The following CORO6 variants were observed in gnomAD, a reference collection of about 807,000 sequenced individuals.
The protein encoded by CORO6 is coronin 6, also known as coronin-6.
CORO6 carries 43 observed loss-of-function variants against 49.0 expected under a neutral mutation model. The ratio of observed to expected loss-of-function variants is 0.88; its 90% CI spans 0.69 to 1.13. The LOEUF is 1.13. Among genes scored for constraint, CORO6 ranks in the 50% most tolerant of loss-of-function variants. The probability of loss-of-function intolerance (pLI) is 0.00; values close to 1 mark genes in which losing one functional copy is unlikely to be tolerated. For missense variants in CORO6, 650 were observed against 647.0 expected (o/e 1.00, Z -0.05); for synonymous variants, 233 against 256.5 (o/e 0.91, Z 0.88).
Position 29,617,045 on chromosome 17 carries a change from G to A in CORO6, c.754-3C>T, listed in dbSNP as rs2150923872. On this transcript the variant is annotated splice_region_variant and splice_polypyrimidine_tract_variant and intron_variant, in intron 6 of 10. Transcript: ENST00000388767. ...GCCACTGGCTCCTCGAAGTTGTTCT[G>A]CCCGAGCACAGGAGGCGTGACCAGC... 6.2e-7 allele frequency: 1 copy of A among 1,613,144 alleles called. No homozygotes were observed. The highest frequency in any genetic ancestry group is 2.2e-5 in the East Asian group (1 of 44,888).
Position 29,615,600 on chromosome 17 carries a change from G to T in CORO6, c.*132C>A. On this transcript the variant is annotated 3_prime_UTR_variant, in exon 11 of 11. Transcript: ENST00000388767. Reference sequence around the variant, plus strand: ...CTCCAAGAGTTCTGGTCTCCCGCGAGGGGCGGAGTTCCCTCCCCAGTCCCG... The same window carrying T: ...CTCCAAGAGTTCTGGTCTCCCGCGATGGGCGGAGTTCCCTCCCCAGTCCCG... 1.0e-6 allele frequency: 1 copy of T among 985,502 alleles called. No homozygotes were observed. Among genetic ancestry groups the T allele is most frequent in the Non-Finnish European group, 1.4e-6 (1 of 699,534 alleles). The allele number at this position is 985,502 out of a possible 1,614,324, so 61.0% of individuals were successfully genotyped here.
chr17:29,618,151 T>G, intron 5 of CORO6: 1 of 1,393,136 alleles, frequency 7.2e-7, no homozygotes, highest in Non-Finnish European at 9.3e-7. Flanking sequence ...GGCGCCCTCG[T>G]GAGGCCGGGC....
chr17:29,616,872 C>T lies in CORO6; in HGVS notation c.859-25G>A, dbSNP rs541061536. On this transcript the variant is annotated intron_variant, in intron 7 of 10. Transcript: ENST00000388767. This position sits in a 1 kb window ranked among gnomAD's most constrained non-coding sequence, Gnocchi z 5.6. ...CCTGCAAAATCAGTCGGTTCAGGGG[C>T]GCGCCCGGACAAGGCCCTCCACATC... The T allele has an allele frequency of 2.5e-6, 4 of 1,613,132 alleles. No individual in the cohort carries two copies. The highest frequency in any genetic ancestry group is 1.7e-5 in the Admixed American group (1 of 60,014).
rs372595207 is a variant in CORO6 at position 29,615,743 on chromosome 17, C to G, written c.1408G>C (p.Gly470Arg). The G allele has an allele frequency of 6.2e-5, 96 of 1,545,718 alleles. No individual in the cohort carries two copies. The highest frequency in any genetic ancestry group is 2.4e-4 in the Admixed American group (12 of 50,464). ...CCTGGCGCGCGGGGCTAGTCCGTGC[C>G]GTCCACCAGCTCGCACAGCATGTTC... ...LENMLCELVD[G>R]TD Residue 470 changes from glycine (G) to arginine (R), a missense_variant, in exon 11 of 11, where the codon GGC (glycine) becomes CGC (arginine). By Grantham distance (125) the Gly-to-Arg change is moderately radical. Coordinates refer to ENST00000388767, the MANE Select transcript of CORO6 (RefSeq NM_032854.4).
In CORO6 at chr17:29,616,877, C is replaced by T. The variant is rs1190904424; in HGVS notation, c.859-30G>A. 10 of 1,613,016 alleles carry T rather than the reference C, an allele frequency of 6.2e-6. No individual in the cohort carries two copies. In the African/African-American group the frequency reaches 1.1e-4, roughly 17 times the overall value. The stretch of plus-strand genomic sequence containing the variant: ...AAAATCAGTCGGTTCAGGGGCGCGC[C>T]CGGACAAGGCCCTCCACATCTCCAT... On this transcript the variant is annotated intron_variant, in intron 7 of 10. Transcript: ENST00000388767. The surrounding 1 kb of genome is among the most constrained non-coding windows in gnomAD (Gnocchi z 5.6).
At position 29,616,996 on chromosome 17, in the gene CORO6, T is replaced by A; in HGVS notation, c.800A>T (p.Asn267Ile). ...ATCGTAAAAGGGCAATAGGACCCCG[T>A]TGCTTGTGTCCATCTCCTGCAGTGC... ...PVALQEMDTS[N>I]GVLLPFYDPD... Residue 267 changes from asparagine (N) to isoleucine (I), a missense_variant, in exon 7 of 11, where the codon AAC (asparagine) becomes ATC (isoleucine). Transcript: ENST00000388767. The surrounding 1 kb of genome is among the most constrained non-coding windows in gnomAD (Gnocchi z 5.6). The A allele has an allele frequency of 1.2e-6, 2 of 1,613,762 alleles. No homozygotes were observed. Among genetic ancestry groups the A allele is most frequent in the African/African-American group, 2.7e-5 (2 of 75,020 alleles).
Position 29,615,979 on chromosome 17 carries a change from CG to C in CORO6, c.1258del (p.Arg420AlafsTer75). The stretch of plus-strand genomic sequence containing the variant: ...GGCGTCGCTGGCCGACTGGCTGCGG[CG>C]GGGGCCGGAGGGCGGGCGCACGTCC... ...ILDVRPPSGP[R>X]RSQSASDAPL... On this transcript the variant is annotated frameshift_variant, in exon 10 of 11. Coordinates refer to ENST00000388767, the MANE Select transcript of CORO6 (RefSeq NM_032854.4). LOFTEE classifies it high-confidence loss of function. 6 of 1,577,096 alleles carry C rather than the reference CG, an allele frequency of 3.8e-6. No homozygotes were observed. The highest frequency in any genetic ancestry group is 5.2e-6 in the Non-Finnish European group (6 of 1,159,540).
chr17:29,617,583 G>C lies in CORO6; in HGVS notation c.670C>G (p.Arg224Gly), dbSNP rs765815355. 2 of 1,605,692 alleles carry C rather than the reference G, an allele frequency of 1.2e-6. No individual in the cohort carries two copies. The highest frequency in any genetic ancestry group is 1.7e-5 in the Admixed American group (1 of 59,134). Residue 224 changes from arginine to glycine, a missense_variant, in exon 6 of 11, where the codon CGG becomes GGG. Coordinates refer to ENST00000388767, the MANE Select transcript of CORO6 (RefSeq NM_032854.4). ...TGGCCCTGGCGCGTGAAGACGGCCC[G>C]CATGGGCCTCATCCCCTCGTGGGCC... is the stretch of plus-strand genomic sequence containing the variant. ...FAAHEGMRPM[R>G]AVFTRQGHIF... is the part of the protein sequence containing the mutation.
Position 29,617,023 on chromosome 17 carries a change from A to G in CORO6, c.773T>C (p.Val258Ala), listed in dbSNP as rs749985856. The G allele has an allele frequency of 1.4e-4, 229 of 1,613,508 alleles. No individual in the cohort carries two copies. The highest frequency in any genetic ancestry group is 1.9e-4 in the Non-Finnish European group (221 of 1,180,000). ...LWDPNNFEEP[V>A]ALQEMDTSNG... ...GCTTGTGTCCATCTCCTGCAGTGCC[A>G]CTGGCTCCTCGAAGTTGTTCTGCCC... The change falls in exon 7 of 11, where the codon GTG becomes GCG. Residue 258 changes from valine to alanine, a missense_variant. Coordinates refer to ENST00000388767, the MANE Select transcript of CORO6 (RefSeq NM_032854.4).
chr17:29,618,066 T>C (rs1216132532), intron 5 of CORO6: 2 of 1,500,080 alleles, frequency 1.3e-6, no homozygotes, highest in Non-Finnish European at 1.8e-6. Flanking sequence ...AGAGCGCGAG[T>C]TGCCGCTCAC....
At chr17:29,617,807 C>G (rs1225483851) in intron 5 of CORO6, 188 bp from the exon 6 acceptor site, 1 of 739,712 alleles carries the variant, frequency 1.4e-6, no homozygotes, top group African/African-American at 1.8e-5. Context: ...GGAGAGCATC[C>G]GGGCCTGGAG....
intron 5 of CORO6, 132 bp from the exon 6 acceptor site, chr17:29,617,751 G>A (rs2035060478): frequency 4.6e-5 from 46 of 994,226 alleles, no homozygotes; most frequent in South Asian, 3.6e-4. Context: ...GACAAATGGG[G>A]CCTAAGCACT....
chr17:29,618,376 A>T, intron 5 of CORO6: 1 of 1,284,936 alleles, frequency 7.8e-7, no homozygotes, highest in East Asian at 3.1e-5. Flanking sequence ...CAGCGGGTCC[A>T]CAAGGAGAAA....
rs201079237 is a variant in CORO6 at position 29,615,739 on chromosome 17, G to T, written c.1412C>A (p.Thr471Lys). The T allele has an allele frequency of 2.2e-4, 343 of 1,544,222 alleles. No homozygotes were observed. Among genetic ancestry groups the T allele is most frequent in the Non-Finnish European group, 2.8e-4 (325 of 1,145,516 alleles). ...CCTGCCTGGCGCGCGGGGCTAGTCC[G>T]TGCCGTCCACCAGCTCGCACAGCAT... ...ENMLCELVDG[T>K]D Residue 471 changes from threonine (T) to lysine (K), a missense_variant, in exon 11 of 11, where the codon ACG becomes AAG. By Grantham distance (78) the Thr-to-Lys change is moderately conservative. Coordinates refer to ENST00000388767, the MANE Select transcript of CORO6 (RefSeq NM_032854.4).
chr17:29,622,854 C>T lies in CORO6; in HGVS notation c.-230G>A, dbSNP rs1291464741. The T allele has an allele frequency of 7.7e-7, 1 of 1,301,546 alleles. No homozygotes were observed. Among genetic ancestry groups the T allele is most frequent in the Non-Finnish European group, 1.0e-6 (1 of 989,482 alleles). The allele number at this position is 1,301,546 out of a possible 1,614,324, so 80.6% of individuals were successfully genotyped here. ...CTCCGCACTCTGGCCGATCCTGCGG[C>T]TCTCTAGAGCCCGGCGCCGCTGCAG... On this transcript the variant is annotated 5_prime_UTR_variant, in exon 1 of 11. Transcript: ENST00000388767.
rs768812994 is a variant in CORO6 at position 29,616,871 on chromosome 17, G to A, written c.859-24C>T. The A allele has an allele frequency of 3.7e-6, 6 of 1,613,270 alleles. No individual in the cohort carries two copies. The highest frequency in any genetic ancestry group is 4.2e-6 in the Non-Finnish European group (5 of 1,179,726). Reference sequence around the variant, plus strand: ...CCCTGCAAAATCAGTCGGTTCAGGGGCGCGCCCGGACAAGGCCCTCCACAT... The same window carrying A: ...CCCTGCAAAATCAGTCGGTTCAGGGACGCGCCCGGACAAGGCCCTCCACAT... On this transcript the variant is annotated intron_variant, in intron 7 of 10. Coordinates refer to ENST00000388767, the MANE Select transcript of CORO6 (RefSeq NM_032854.4). This position sits in a 1 kb window ranked among gnomAD's most constrained non-coding sequence, Gnocchi z 5.6.
At chr17:29,620,519 G>A (rs1221468010) in intron 2 of CORO6, among the ~76,000 whole-genome samples, 1 of 152,138 alleles carries the variant, frequency 6.6e-6, no homozygotes, top group South Asian at 2.1e-4. Context: ...TCCTGACCCC[G>A]CCACCTGTGG....
chr17:29,618,421 C>A, intron 5 of CORO6: 2 of 1,287,684 alleles, frequency 1.6e-6, no homozygotes, highest in Non-Finnish European at 2.0e-6. Context: ...GGCCCCAGAC[C>A]CTGGAAGATG....
At position 29,621,732 on chromosome 17, in the gene CORO6, G is replaced by A; in HGVS notation, c.-63-248C>T. On this transcript the variant is annotated intron_variant, in intron 1 of 10. Coordinates refer to ENST00000388767, the MANE Select transcript of CORO6 (RefSeq NM_032854.4). This position sits in a 1 kb window ranked among gnomAD's most constrained non-coding sequence, Gnocchi z 4.2. ...AGCCTAACAGACTGAAAGCTTTCTGGACGTTGGAATGTTTTTGGGAGGAGC... is the reference window on the plus strand; with the variant it reads ...AGCCTAACAGACTGAAAGCTTTCTGAACGTTGGAATGTTTTTGGGAGGAGC... 2.6e-6 allele frequency: 1 copy of A among 377,860 alleles called. No individual in the cohort carries two copies. The highest frequency in any genetic ancestry group is 3.9e-5 in the Admixed American group (1 of 25,938). The allele number at this position is 377,860 out of a possible 1,614,324, so 23.4% of individuals were successfully genotyped here.
Sources: allele counts gnomAD v4.1 joint callset (sites outside exome capture counted in the v4.1 genomes callset), GRCh38; gene constraint gnomAD v4.1.1; non-coding constraint Gnocchi (gnomAD v3.1); transcripts MANE v1.5; gene names NCBI Gene and HGNC (gene_info 2026-07-23, HGNC 2026-07-21).